PDE1C: variants seen among roughly 807,000 people sequenced by gnomAD.
PDE1C encodes phosphodiesterase 1C, also known as dual specificity calcium/calmodulin-dependent 3',5'-cyclic nucleotide phosphodiesterase 1C.
Under a neutral mutation model 93.1 loss-of-function variants are expected in PDE1C, and 62 were observed. The ratio of observed to expected loss-of-function variants is 0.67; its 90% confidence interval spans 0.54 to 0.82. The LOEUF (loss-of-function observed/expected upper bound fraction) is 0.82. Ranked by LOEUF, PDE1C falls within the 40% of genes least tolerant of loss-of-function variation. The pLI is 0.00. For missense variants in PDE1C, 742 were observed against 884.6 expected (o/e 0.84, Z 2.04); for synonymous variants, 325 against 310.1 (o/e 1.05, Z -0.50).
intron 3 of PDE1C, among the ~76,000 whole-genome samples, chr7:32,167,917 A>C (rs1802406410): frequency 6.6e-6 from 1 of 152,174 alleles, no homozygotes; most frequent in African/African-American, 2.4e-5. Flanking sequence ...CCCATACCTG[A>C]GTACTTTACT....
chr7:32,112,804 ATGTGTGTGTGTGTGTGTGTGTGTG>A (rs150245670), intron 3 of PDE1C, among the ~76,000 whole-genome samples: 5 of 66,702 alleles, frequency 7.5e-5, no homozygotes, highest in Admixed American at 6.1e-4. Flanking sequence ...ATATACATAT[ATGTGTGTGTGTGTGTGTGTGTGTG>A]TGTGTGTGTG....
intron 2 of PDE1C, among the ~76,000 whole-genome samples, chr7:31,995,302 T>C (rs1784585074): frequency 6.6e-6 from 1 of 152,126 alleles, no homozygotes; most frequent in Non-Finnish European, 1.5e-5. Flanking sequence ...AGAGGTCTAT[T>C]TTGTGAACTG....
At chr7:31,772,051 A>G (rs1054779230) in intron 17 of PDE1C, among the ~76,000 whole-genome samples, 3 of 151,792 alleles carry the variant, frequency 2.0e-5, no homozygotes, top group Admixed American at 1.3e-4. Flanking sequence ...GTCTCAAAAA[A>G]AAAAAAAAAA....
At chr7:31,883,504 T>A (rs1797501398) in intron 2 of PDE1C, among the ~76,000 whole-genome samples, 1 of 152,262 alleles carries the variant, frequency 6.6e-6, no homozygotes, top group Non-Finnish European at 1.5e-5. Flanking sequence ...CAATCTCCTA[T>A]TTCTCATACA....
At chr7:32,007,979 A>G (rs546683308) in intron 2 of PDE1C, among the ~76,000 whole-genome samples, 1 of 152,338 alleles carries the variant, frequency 6.6e-6, no homozygotes, top group South Asian at 2.1e-4. Context: ...AACTTTTAAG[A>G]TAAGTGGTAA....
chr7:32,337,368 G>C (rs1351853789), intron 1 of PDE1C, among the ~76,000 whole-genome samples: 1 of 152,158 alleles, frequency 6.6e-6, no homozygotes, highest in Non-Finnish European at 1.5e-5. Context: ...CTAGTATTGT[G>C]AGTACTTTGT....
At chr7:31,985,138 G>T (rs1783201074) in intron 2 of PDE1C, among the ~76,000 whole-genome samples, 2 of 152,166 alleles carry the variant, frequency 1.3e-5, no homozygotes, top group Admixed American at 1.3e-4. Context: ...AGGTTTATCA[G>T]CGCACGGACA....
chr7:32,062,098 C>T (rs1794881721), intron 1 of PDE1C, among the ~76,000 whole-genome samples: 1 of 152,164 alleles, frequency 6.6e-6, no homozygotes, highest in African/African-American at 2.4e-5. Flanking sequence ...TCATCCCATA[C>T]TGAACTCTCT....
chr7:32,266,330 T>C (rs971541254), intron 1 of PDE1C, among the ~76,000 whole-genome samples: 2 of 150,654 alleles, frequency 1.3e-5, no homozygotes, highest in African/African-American at 4.9e-5. Flanking sequence ...GAGCCTGCCA[T>C]AAGCCCTGGA....
At chr7:31,617,693 T>C in the PDE1C span, among the ~76,000 whole-genome samples, 1 of 152,180 alleles carries the variant, frequency 6.6e-6, no homozygotes, top group African/African-American at 2.4e-5. Context: ...TTCTGATTTA[T>C]ATTAGTGCTC....
At chr7:32,025,014 G>A (rs1789228920) in intron 2 of PDE1C, among the ~76,000 whole-genome samples, 3 of 152,028 alleles carry the variant, frequency 2.0e-5, no homozygotes, top group East Asian at 1.9e-4. Context: ...ACTCAAGCAC[G>A]CCAATGACCA....
chr7:31,667,655 T>C, the PDE1C span, among the ~76,000 whole-genome samples: 2 of 151,846 alleles, frequency 1.3e-5, no homozygotes, highest in Non-Finnish European at 2.9e-5. Context: ...AAAAAAGAAA[T>C]TTCAAATAAT....
At chr7:31,738,866 G>T in the PDE1C span, among the ~76,000 whole-genome samples, 1 of 152,102 alleles carries the variant, frequency 6.6e-6, no homozygotes, top group Non-Finnish European at 1.5e-5. Context: ...GCTGCCTCAG[G>T]ATGTGGTGAG....
At position 31,970,521 on chromosome 7, in the gene PDE1C, T is replaced by C. The variant is rs139228763; in HGVS notation, c.128+81033A>G. On this transcript the variant is annotated intron_variant, in intron 2 of 17. Transcript: ENST00000396191. ...CCTTCTTCCTTTAGAAGTATTCAAT[T>C]GTTCTAGATAGAAATCTCCTTTCTT... Among the ~76,000 whole-genome samples the C allele has an allele frequency of 1.5e-3, 222 of 152,338 alleles. 3 individuals carry two copies. The highest frequency in any genetic ancestry group is 5.2e-3 in the Admixed American group (80 of 15,300).
intron 2 of PDE1C, among the ~76,000 whole-genome samples, chr7:32,024,753 A>G (rs1221938547): frequency 2.6e-5 from 4 of 152,110 alleles, no homozygotes; most frequent in Non-Finnish European, 5.9e-5. Flanking sequence ...CAGTTTGGCC[A>G]CAGGGCTGAA....
chr7:31,642,166 C>G, the PDE1C span: 1 of 1,553,088 alleles, frequency 6.4e-7, no homozygotes, highest in South Asian at 1.2e-5. Flanking sequence ...AGACCTCTTT[C>G]ATTCTGCAGG....
the PDE1C span, among the ~76,000 whole-genome samples, chr7:31,687,853 T>C: frequency 2.0e-4 from 31 of 152,326 alleles, no homozygotes; most frequent in African/African-American, 5.8e-4. Flanking sequence ...TCTACCCTTT[T>C]ATTCCATCCA....
intron 1 of PDE1C, among the ~76,000 whole-genome samples, chr7:32,317,879 T>C (rs1783207646): frequency 6.6e-6 from 1 of 152,210 alleles, no homozygotes; most frequent in Non-Finnish European, 1.5e-5. Context: ...GTTGGTATCA[T>C]TGTGTCCTTG....
intron 8 of PDE1C, among the ~76,000 whole-genome samples, chr7:31,848,633 T>C (rs535649971): frequency 2.0e-5 from 3 of 152,282 alleles, no homozygotes; most frequent in Admixed American, 2.0e-4. Context: ...ATAATGTCAG[T>C]TTTTAGTTCC....
Sources: gnomAD v4.1 joint callset for allele counts (sites outside exome capture counted in the v4.1 genomes callset) on GRCh38, gnomAD v4.1.1 for gene constraint, MANE v1.5 for transcripts, NCBI Gene and HGNC (gene_info 2026-07-23, HGNC 2026-07-21) for gene names.